The following BLK variants were observed in gnomAD, a reference collection of about 807,000 sequenced individuals.
BLK encodes the protein BLK proto-oncogene, Src family tyrosine kinase.
In BLK, 64 loss-of-function variants were observed where a neutral mutation model predicts 61.8. That is an observed-to-expected ratio of 1.03 (90% CI 0.85 to 1.27). BLK has a LOEUF of 1.27. BLK is among the 50% of genes most tolerant of loss of function. BLK has a pLI of 0.00. For synonymous variants in BLK, 351 were observed against 272.0 expected, an observed-to-expected ratio of 1.29 and a Z score of -2.86; for missense variants, 853 against 660.5, an observed-to-expected ratio of 1.29 and a Z score of -3.19.
intron 1 of BLK, among the ~76,000 whole-genome samples, chr8:11,520,694 G>A (rs896194782): frequency 2.6e-5 from 4 of 151,988 alleles, no homozygotes; most frequent in Non-Finnish European, 4.4e-5. Flanking sequence ...CTTTGTTTTG[G>A]GAATTCTTGC....
At chr8:11,563,664 C>G (rs1308229030) in intron 12 of BLK, among the ~76,000 whole-genome samples, 1 of 152,204 alleles carries the variant, frequency 6.6e-6, no homozygotes, top group Admixed American at 6.5e-5. Context: ...AGGACCTGCC[C>G]CGTACTCAGG....
chr8:11,532,502 C>G (rs905338123), intron 1 of BLK, among the ~76,000 whole-genome samples: 1 of 151,986 alleles, frequency 6.6e-6, no homozygotes, highest in Middle Eastern at 3.2e-3. Flanking sequence ...TGAGCCGCCA[C>G]TTCTGGCCTC....
chr8:11,517,985 A>G (rs1187278657), intron 1 of BLK, among the ~76,000 whole-genome samples: 1 of 152,228 alleles, frequency 6.6e-6, no homozygotes, highest in Non-Finnish European at 1.5e-5. Context: ...TCATCAGAGC[A>G]AGATGTGAGC....
intron 11 of BLK, among the ~76,000 whole-genome samples, chr8:11,562,367 A>C (rs1253541213): frequency 6.6e-6 from 1 of 152,184 alleles, no homozygotes; most frequent in African/African-American, 2.4e-5. Flanking sequence ...AGCAGACAGG[A>C]TATGGCTTGT....
intron 1 of BLK, among the ~76,000 whole-genome samples, chr8:11,521,954 T>G (rs1369114930): frequency 6.6e-6 from 1 of 152,232 alleles, no homozygotes; most frequent in East Asian, 1.9e-4. Flanking sequence ...GTAAAGTTCC[T>G]CAAAAACACC....
intron 6 of BLK, among the ~76,000 whole-genome samples, chr8:11,551,573 A>T (rs968175650): frequency 2.0e-5 from 3 of 152,148 alleles, no homozygotes; most frequent in Non-Finnish European, 2.9e-5. Flanking sequence ...CCAGTAACAG[A>T]TTCATTCATG....
intron 6 of BLK, chr8:11,552,956 A>C (rs1251214352): frequency 1.3e-5 from 2 of 154,594 alleles, no homozygotes; most frequent in Non-Finnish European, 2.9e-5. Context: ...ACACATGTGC[A>C]TACACAGGCA....
intron 1 of BLK, among the ~76,000 whole-genome samples, chr8:11,501,415 T>A (rs1798556090): frequency 6.6e-6 from 1 of 151,820 alleles, no homozygotes; most frequent in African/African-American, 2.4e-5. Flanking sequence ...GTGGTGTCTG[T>A]CTGTCTGTCT....
At chr8:11,530,371 A>G (rs1799836593) in intron 1 of BLK, among the ~76,000 whole-genome samples, 1 of 152,196 alleles carries the variant, frequency 6.6e-6, no homozygotes, top group Non-Finnish European at 1.5e-5. Context: ...TGTACAGGAC[A>G]AGGTAGGAGG....
intron 1 of BLK, among the ~76,000 whole-genome samples, chr8:11,496,635 G>T (rs1377707394): frequency 6.6e-6 from 1 of 152,216 alleles, no homozygotes; most frequent in Non-Finnish European, 1.5e-5. Context: ...ACTGGTGCAG[G>T]CTCCTGGCAC....
At chr8:11,534,901 C>T (rs935785926) in intron 1 of BLK, among the ~76,000 whole-genome samples, 1 of 152,140 alleles carries the variant, frequency 6.6e-6, no homozygotes. Context: ...CCAGATGCAG[C>T]GGCTCATGCC....
Position 11,543,347 on chromosome 8 carries a change from G to C in BLK, c.123G>C (p.Leu41=), listed in dbSNP as rs1446202796. 6.2e-7 allele frequency: 1 copy of C among 1,612,840 alleles called. No homozygotes were observed. Among genetic ancestry groups the C allele is most frequent in the African/African-American group, 1.3e-5 (1 of 75,014 alleles). ...AGGACGCCCCGCCACTGCCGCCCCT[G>C]GTGAGTGATTGCCCACCCCCACCAA... The part of the protein sequence containing the change: ...QDKDAPPLPP[L]VVFNHLTPPP... The change falls in exon 2 of 13, where the codon CTG becomes CTC. Residue 41 remains leucine (L), a splice_region_variant and synonymous_variant. Transcript: ENST00000259089.
intron 1 of BLK, among the ~76,000 whole-genome samples, chr8:11,526,712 C>T (rs1799667739): frequency 6.6e-6 from 1 of 152,178 alleles, no homozygotes; most frequent in Non-Finnish European, 1.5e-5. Context: ...GAGCAAGACT[C>T]TGTCTCAAAA....
chr8:11,529,874 C>A (rs1307813678), intron 1 of BLK, among the ~76,000 whole-genome samples: 2 of 152,054 alleles, frequency 1.3e-5, no homozygotes, highest in African/African-American at 2.4e-5. Flanking sequence ...TTCAGGAGTC[C>A]CTGTAGAACT....
At chr8:11,504,102 T>C (rs1279709952) in intron 1 of BLK, among the ~76,000 whole-genome samples, 1 of 152,106 alleles carries the variant, frequency 6.6e-6, no homozygotes. Flanking sequence ...GGCAGGCGGA[T>C]CACTTGAGGT....
chr8:11,550,769 G>A (rs1347868946), intron 6 of BLK, among the ~76,000 whole-genome samples: 1 of 152,218 alleles, frequency 6.6e-6, no homozygotes, highest in East Asian at 1.9e-4. Context: ...TCCACTGACT[G>A]AGCAAAACAG....
chr8:11,496,580 C>A (rs1275577370), intron 1 of BLK, among the ~76,000 whole-genome samples: 2 of 152,176 alleles, frequency 1.3e-5, no homozygotes, highest in Non-Finnish European at 2.9e-5. Context: ...GTGGCAGGGG[C>A]TGCAGGACGG....
intron 1 of BLK, among the ~76,000 whole-genome samples, chr8:11,515,278 G>A (rs986306528): frequency 6.6e-6 from 1 of 152,188 alleles, no homozygotes; most frequent in Non-Finnish European, 1.5e-5. Flanking sequence ...ACTCCCGGCT[G>A]AGGGACCTCG....
rs868722503 is a variant in BLK, at chr8:11,556,753, G to A, written c.868G>A (p.Ala290Thr). The stretch of plus-strand genomic sequence containing the variant: ...TCTGGGTGAGGCCAACGTGATGAAG[G>A]CTCTGCAGCACGAGCGGCTGGTCCG... The part of the protein sequence containing the change: ...AFLGEANVMK[A>T]LQHERLVRLY... Residue 290 changes from alanine (A) to threonine (T), a missense_variant, in exon 9 of 13, where the codon GCT becomes ACT. Coordinates refer to ENST00000259089, the MANE Select transcript of BLK (RefSeq NM_001715.3). 6.2e-7 allele frequency: 1 copy of A among 1,614,212 alleles called. No homozygotes were observed.
Sources: gnomAD v4.1 joint callset for allele counts (sites outside exome capture counted in the v4.1 genomes callset) on GRCh38, gnomAD v4.1.1 for gene constraint, MANE v1.5 for transcripts, NCBI Gene and HGNC (gene_info 2026-07-23, HGNC 2026-07-21) for gene names.